The following CEBPB variants were observed in gnomAD, a reference collection of about 807,000 sequenced individuals.
The protein encoded by CEBPB is CCAAT/enhancer-binding protein beta.
For synonymous variants in CEBPB, 295 were observed against 267.1 expected (o/e 1.10, Z -1.02); for missense variants, 498 against 533.1 (o/e 0.93, Z 0.65).
Position 50,191,582 on chromosome 20 carries a change from C to T in CEBPB, c.549C>T (p.Asp183=). 7.4e-7 allele frequency: 1 copy of T among 1,348,072 alleles called. No individual in the cohort carries two copies. The highest frequency in any genetic ancestry group is 9.5e-7 in the Non-Finnish European group (1 of 1,058,152). The allele number at this position is 1,348,072 out of a possible 1,614,324, so 83.5% of individuals were successfully genotyped here. A position where few individuals can be genotyped will look rare whatever the true frequency, so the allele number is the denominator to read the frequency against. ...CGGAGCCGGGCTTCGAGCCCGCGGA[C>T]TGCAAGCGGAAGGAGGAGGCCGGGG... ...LKAEPGFEPA[D]CKRKEEAGAP... is the part of the protein sequence containing the mutation. The change falls in exon 1 of 1, where the codon GAC becomes GAT. Residue 183 remains aspartate (D), a synonymous_variant. Coordinates refer to ENST00000303004, the MANE Select transcript of CEBPB (RefSeq NM_005194.4).
chr20:50,191,010 C>A lies in CEBPB; in HGVS notation c.-24C>A. 1 of 1,492,418 alleles carries A rather than the reference C, an allele frequency of 6.7e-7. No homozygotes were observed. The highest frequency in any genetic ancestry group is 8.9e-7 in the Non-Finnish European group (1 of 1,127,126). 92.4% of individuals were successfully genotyped at this position (1,492,418 alleles called of 1,614,324 possible). On this transcript the variant is annotated 5_prime_UTR_variant, in exon 1 of 1. Coordinates refer to ENST00000303004, the MANE Select transcript of CEBPB (RefSeq NM_005194.4). Reference sequence around the variant, plus strand: ...GCCGGCCGGAGCGGGCAGCCCCAGGCCCCCTCCCCGGGCACCCGCGTTCAT... The same window carrying A: ...GCCGGCCGGAGCGGGCAGCCCCAGGACCCCTCCCCGGGCACCCGCGTTCAT...
chr20:50,190,783 G>T (rs878980642), upstream of CEBPB: 14 of 350,450 alleles, frequency 4.0e-5, no homozygotes, highest in South Asian at 1.8e-3. Flanking sequence ...TGACGCAGCG[G>T]TTGCTACGGG....
chr20:50,190,915 GGCAGCGGCGGCAGCAGCAGCAGCGAC>G lies in CEBPB; in HGVS notation c.-109_-84del, dbSNP rs1293273065. 5.5e-6 allele frequency: 7 copies of G among 1,262,794 alleles called. No individual in the cohort carries two copies. The highest frequency in any genetic ancestry group is 2.1e-5 in the South Asian group (1 of 48,506). The allele number at this position is 1,262,794 out of a possible 1,614,324, so 78.2% of individuals were successfully genotyped here. On this transcript the variant is annotated 5_prime_UTR_variant, in exon 1 of 1. Transcript: ENST00000303004. ...CCCCCTCACTAATAGCGGCCACCCC[GGCAGCGGCGGCAGCAGCAGCAGCGAC>G]GCAGCGGCGACAGCTCAGAGCAGGG...
rs2081579085 is a variant in CEBPB, at chr20:50,191,672, C to T, written c.639C>T (p.Tyr213=). ...ACGCGCTGCGCGCTTACCTCGGCTA[C>T]CAGGCGGTGCCGAGCGGCAGCAGCG... ...FPYALRAYLG[Y]QAVPSGSSGS... is the part of the protein sequence containing the mutation. The change falls in exon 1 of 1, where the codon TAC becomes TAT. Residue 213 remains tyrosine (Y), a synonymous_variant. Coordinates refer to ENST00000303004, the MANE Select transcript of CEBPB (RefSeq NM_005194.4). 1 of 1,427,288 alleles carries T rather than the reference C, an allele frequency of 7.0e-7. No individual in the cohort carries two copies. The highest frequency in any genetic ancestry group is 9.1e-7 in the Non-Finnish European group (1 of 1,101,644). 88.4% of individuals were successfully genotyped at this position (1,427,288 alleles called of 1,614,324 possible). A position where few individuals can be genotyped will look rare whatever the true frequency, so the allele number is the denominator to read the frequency against.
upstream of CEBPB, chr20:50,190,627 G>C (rs2081568481): frequency 6.5e-6 from 1 of 153,842 alleles, no homozygotes; most frequent in African/African-American, 2.4e-5. Flanking sequence ...GGGGGCGTGA[G>C]GCCGCCCCTG....
chr20:50,191,093 CT>C lies in CEBPB; in HGVS notation c.63del (p.Phe21LeufsTer120), dbSNP rs1197152574. The C allele has an allele frequency of 6.4e-7, 1 of 1,558,036 alleles. No homozygotes were observed. The highest frequency in any genetic ancestry group is 2.6e-5 in the East Asian group (1 of 38,476). Reference protein sequence around the residue: ...CLPLPPPPPAFKSMEVANFYY... With the variant: ...CLPLPPPPPAXKSMEVANFYY... ...TCCCCCTGCCGCCGCCGCCGCCTGC[CT>C]TTAAATCCATGGAAGTGGCCAACTT... On this transcript the variant is annotated frameshift_variant, in exon 1 of 1. Coordinates refer to ENST00000303004, the MANE Select transcript of CEBPB (RefSeq NM_005194.4). LOFTEE classifies it low-confidence loss of function (END_TRUNC).
rs1343424917 is a variant in CEBPB, at chr20:50,191,435, G to A, written c.402G>A (p.Pro134=). 1 of 1,520,720 alleles carries A rather than the reference G, an allele frequency of 6.6e-7. No individual in the cohort carries two copies. The highest frequency in any genetic ancestry group is 2.0e-5 in the Admixed American group (1 of 50,846). 94.2% of individuals were successfully genotyped at this position (1,520,720 alleles called of 1,614,324 possible). The change falls in exon 1 of 1, where the codon CCG becomes CCA. Residue 134 remains proline (P), a synonymous_variant. Transcript: ENST00000303004. ...ACGGGGGCAAGAACTGCAAGAAGCC[G>A]GCCGAGTACGGCTACGTGAGCCTGG... ...DDYGGKNCKK[P]AEYGYVSLGR...
rs966842459 is a variant in CEBPB, at chr20:50,192,133, C to G, written c.*62C>G. The G allele has an allele frequency of 7.8e-7, 1 of 1,276,594 alleles. No individual in the cohort carries two copies. The highest frequency in any genetic ancestry group is 9.9e-7 in the Non-Finnish European group (1 of 1,006,956). 79.1% of individuals were successfully genotyped at this position (1,276,594 alleles called of 1,614,324 possible). A position where few individuals can be genotyped will look rare whatever the true frequency, so the allele number is the denominator to read the frequency against. ...TGAGACTCCGGGGAGCGCCCGCGCC[C>G]GCGCCCTCGCCCCCGCCCCCGGCGG... On this transcript the variant is annotated 3_prime_UTR_variant, in exon 1 of 1. Coordinates refer to ENST00000303004, the MANE Select transcript of CEBPB (RefSeq NM_005194.4).
chr20:50,191,385 C>T lies in CEBPB; in HGVS notation c.352C>T (p.Leu118Phe). ...CTCCTCCGGGCAGCACCACGACTTC[C>T]TCTCCGACCTCTTCTCCGACGACTA... ...PASSGQHHDF[L>F]SDLFSDDYGG... The change falls in exon 1 of 1, where the codon CTC (leucine) becomes TTC (phenylalanine). Residue 118 changes from leucine to phenylalanine, a missense_variant. By Grantham distance (22) the Leu-to-Phe change is conservative. Coordinates refer to ENST00000303004, the MANE Select transcript of CEBPB (RefSeq NM_005194.4). 1 of 1,500,418 alleles carries T rather than the reference C, an allele frequency of 6.7e-7. No individual in the cohort carries two copies. Among genetic ancestry groups the T allele is most frequent in the Non-Finnish European group, 8.9e-7 (1 of 1,120,692 alleles). 92.9% of individuals were successfully genotyped at this position (1,500,418 alleles called of 1,614,324 possible).
At position 50,192,009 on chromosome 20, in the gene CEBPB, A is replaced by G. The variant is rs2081582074; in HGVS notation, c.976A>G (p.Thr326Ala). The part of the protein sequence containing the change: ...KVEQLSRELS[T>A]LRNLFKQLPE... ...GGAGCAGCTGTCGCGCGAGCTCAGCACCCTGCGGAACTTGTTCAAGCAGCT... is the reference window on the plus strand; with the variant it reads ...GGAGCAGCTGTCGCGCGAGCTCAGCGCCCTGCGGAACTTGTTCAAGCAGCT... The change falls in exon 1 of 1, where the codon ACC (threonine) becomes GCC (alanine). Residue 326 changes from threonine to alanine, a missense_variant. Transcript: ENST00000303004. The G allele has an allele frequency of 6.2e-7, 1 of 1,606,054 alleles. No homozygotes were observed. The highest frequency in any genetic ancestry group is 1.3e-5 in the African/African-American group (1 of 74,522).
upstream of CEBPB, chr20:50,190,658 A>C: frequency 6.3e-6 from 1 of 159,258 alleles, no homozygotes; most frequent in Non-Finnish European, 1.4e-5. Context: ...GCCCCCCGAA[A>C]ACGCGCTCCG....
At chr20:50,190,779 A>C, upstream of CEBPB, 1 of 331,054 alleles carries the variant, frequency 3.0e-6, no homozygotes, top group Non-Finnish European at 5.4e-6. Flanking sequence ...GGCGTGACGC[A>C]GCGGTTGCTA....
In CEBPB at chr20:50,191,188, C is replaced by T. The variant is rs1156781585; in HGVS notation, c.155C>T (p.Ala52Val). 2.1e-6 allele frequency: 3 copies of T among 1,424,940 alleles called. No individual in the cohort carries two copies. Among genetic ancestry groups the T allele is most frequent in the Admixed American group, 2.6e-5 (1 of 39,134 alleles). The allele number at this position is 1,424,940 out of a possible 1,614,324, so 88.3% of individuals were successfully genotyped here. Residue 52 changes from alanine to valine, a missense_variant, in exon 1 of 1, where the codon GCC becomes GTC. By Grantham distance (64) the Ala-to-Val change is moderately conservative. Transcript: ENST00000303004. Reference protein sequence around the residue: ...GKAAPAAPPAARPGPRPPAGE... With the variant: ...GKAAPAAPPAVRPGPRPPAGE... ...GCGGCCCCCGCGGCGCCCCCCGCGG[C>T]CAGACCCGGGCCGCGCCCCCCCGCC...
rs2081574420 is a variant in CEBPB, at chr20:50,191,272, A to AGCCGCTGGGCGC, written c.245_256dup (p.Leu82_Pro85dup). ...GCCATCGACTTCAGCCCGTACCTGG[A>AGCCGCTGGGCGC]GCCGCTGGGCGCGCCGCAGGCCCCG... On this transcript the variant is annotated inframe_insertion, in exon 1 of 1. Coordinates refer to ENST00000303004, the MANE Select transcript of CEBPB (RefSeq NM_005194.4). 1 of 1,281,132 alleles carries AGCCGCTGGGCGC rather than the reference A, an allele frequency of 7.8e-7. No individual in the cohort carries two copies. Among genetic ancestry groups the AGCCGCTGGGCGC allele is most frequent in the Non-Finnish European group, 9.9e-7 (1 of 1,013,434 alleles). 79.4% of individuals were successfully genotyped at this position (1,281,132 alleles called of 1,614,324 possible).
In CEBPB at chr20:50,190,962, C is replaced by T. The variant is rs1251741007; in HGVS notation, c.-72C>T. 3 of 1,389,170 alleles carry T rather than the reference C, an allele frequency of 2.2e-6. No homozygotes were observed. The highest frequency in any genetic ancestry group is 1.6e-5 in the South Asian group (1 of 64,420). 86.1% of individuals were successfully genotyped at this position (1,389,170 alleles called of 1,614,324 possible). A position where few individuals can be genotyped will look rare whatever the true frequency, so the allele number is the denominator to read the frequency against. On this transcript the variant is annotated 5_prime_UTR_variant, in exon 1 of 1. Coordinates refer to ENST00000303004, the MANE Select transcript of CEBPB (RefSeq NM_005194.4). ...GCGACGCAGCGGCGACAGCTCAGAGCAGGGAGGCCGCGCCACCTGCGGGCC... is the reference window on the plus strand; with the variant it reads ...GCGACGCAGCGGCGACAGCTCAGAGTAGGGAGGCCGCGCCACCTGCGGGCC...
chr20:50,190,925 GCAGCAGCAGCAGCGACGCAGCGGCGA>G lies in CEBPB; in HGVS notation c.-104_-79del, dbSNP rs1195661978. 9 of 1,275,128 alleles carry G rather than the reference GCAGCAGCAGCAGCGACGCAGCGGCGA, an allele frequency of 7.1e-6. No homozygotes were observed. Among genetic ancestry groups the G allele is most frequent in the South Asian group, 2.1e-5 (1 of 47,810 alleles). The allele number at this position is 1,275,128 out of a possible 1,614,324, so 79.0% of individuals were successfully genotyped here. ...AATAGCGGCCACCCCGGCAGCGGCGGCAGCAGCAGCAGCGACGCAGCGGCGACAGCTCAGAGCAGGGAGGCCGCGCC... is the reference window on the plus strand; with the variant it reads ...AATAGCGGCCACCCCGGCAGCGGCGGCAGCTCAGAGCAGGGAGGCCGCGCC... On this transcript the variant is annotated 5_prime_UTR_variant, in exon 1 of 1. Transcript: ENST00000303004.
rs1318385571 is a variant in CEBPB, at chr20:50,192,130, G to GCCCGCGCCCTCGCC, written c.*65_*78dup. The GCCCGCGCCCTCGCC allele has an allele frequency of 4.6e-6, 6 of 1,291,838 alleles. No individual in the cohort carries two copies. The highest frequency in any genetic ancestry group is 4.2e-5 in the Admixed American group (1 of 23,698). The allele number at this position is 1,291,838 out of a possible 1,614,324, so 80.0% of individuals were successfully genotyped here. On this transcript the variant is annotated 3_prime_UTR_variant, in exon 1 of 1. Transcript: ENST00000303004. Reference sequence around the variant, plus strand: ...GGCTGAGACTCCGGGGAGCGCCCGCGCCCGCGCCCTCGCCCCCGCCCCCGG... The same window carrying GCCCGCGCCCTCGCC: ...GGCTGAGACTCCGGGGAGCGCCCGCGCCCGCGCCCTCGCCCCCGCGCCCTCGCCCCCGCCCCCGG...
At position 50,190,964 on chromosome 20, in the gene CEBPB, G is replaced by C. The variant is rs2081571132; in HGVS notation, c.-70G>C. 1.2e-5 allele frequency: 17 copies of C among 1,392,190 alleles called. No homozygotes were observed. Among genetic ancestry groups the C allele is most frequent in the Non-Finnish European group, 1.5e-5 (16 of 1,077,686 alleles). 86.2% of individuals were successfully genotyped at this position (1,392,190 alleles called of 1,614,324 possible). ...GACGCAGCGGCGACAGCTCAGAGCA[G>C]GGAGGCCGCGCCACCTGCGGGCCGG... On this transcript the variant is annotated 5_prime_UTR_variant, in exon 1 of 1. Transcript: ENST00000303004.
chr20:50,191,826 A>G lies in CEBPB; in HGVS notation c.793A>G (p.Lys265Glu). Reference sequence around the variant, plus strand: ...CTCGCAGGTCAAGAGCAAGGCCAAGAAGACCGTGGACAAGCACAGCGACGA... The same window carrying G: ...CTCGCAGGTCAAGAGCAAGGCCAAGGAGACCGTGGACAAGCACAGCGACGA... ...APSQVKSKAK[K>E]TVDKHSDEYK... The change falls in exon 1 of 1, where the codon AAG becomes GAG. Residue 265 changes from lysine to glutamate, a missense_variant. By Grantham distance (56) the Lys-to-Glu change is moderately conservative. Transcript: ENST00000303004. 6.3e-7 allele frequency: 1 copy of G among 1,593,646 alleles called. No homozygotes were observed. Among genetic ancestry groups the G allele is most frequent in the Non-Finnish European group, 8.5e-7 (1 of 1,170,772 alleles).
Sources: allele counts gnomAD v4.1 joint callset, GRCh38; gene constraint gnomAD v4.1.1; transcripts MANE v1.5; gene names NCBI Gene and HGNC (gene_info 2026-07-23, HGNC 2026-07-21).